Variants in PSD3 observed in about 807,000 individuals in gnomAD.
PSD3 encodes pleckstrin and Sec7 domain containing 3.
A neutral mutation model predicts 105.5 loss-of-function variants in PSD3; 49 were observed. The ratio of observed to expected loss-of-function variants is 0.46; its 90% CI spans 0.37 to 0.59. The LOEUF is 0.59. Ranked by LOEUF, PSD3 falls within the 20% of genes least tolerant of loss-of-function variation. The pLI is 0.00. For missense variants in PSD3, 1,561 were observed against 1,263.8 expected, an observed-to-expected ratio of 1.24 and a Z score of -3.57; for synonymous variants, 557 against 457.8, an observed-to-expected ratio of 1.22 and a Z score of -2.77.
intron 9 of PSD3, among the ~76,000 whole-genome samples, chr8:18,725,021 T>C (rs1049350465): frequency 1.2e-4 from 19 of 152,234 alleles, no homozygotes; most frequent in Non-Finnish European, 1.5e-4. Flanking sequence ...TTCTACCATG[T>C]TGGGAATCAT....
At chr8:18,541,158 A>G (rs1234618421) in intron 15 of PSD3, among the ~76,000 whole-genome samples, 4 of 29,798 alleles carry the variant, frequency 1.3e-4, no homozygotes, top group Admixed American at 7.3e-4. Context: ...ATTTTACTTG[A>G]AAAAAAAAAA....
At chr8:18,998,668 C>T (rs1308581373) in intron 1 of PSD3, among the ~76,000 whole-genome samples, 1 of 151,906 alleles carries the variant, frequency 6.6e-6, no homozygotes, top group East Asian at 1.9e-4. Flanking sequence ...GCCCGAGCAA[C>T]AGAGCGAGAT....
In PSD3 at chr8:18,528,667, A is replaced by G. The variant is rs186457350; in HGVS notation, c.*7076T>C. The G allele has an allele frequency of 1.0e-3, 160 of 152,662 alleles. 1 individual carries two copies. Among genetic ancestry groups the G allele is most frequent in the Non-Finnish European group, 1.5e-4 (10 of 68,050 alleles). The allele number at this position is 152,662 out of a possible 1,614,324, so 9.5% of individuals were successfully genotyped here. A position where few individuals can be genotyped will look rare whatever the true frequency, so the allele number is the denominator to read the frequency against. On this transcript the variant is annotated 3_prime_UTR_variant, in exon 16 of 16. Coordinates refer to ENST00000327040, the MANE Select transcript of PSD3 (RefSeq NM_015310.4). ...CTGGTGTTCAGGACTCAGAGCAGTG[A>G]GCCTCAGACCTGCAGTGTGGTCCTT...
Position 18,848,277 on chromosome 8 carries a change from C to G in PSD3, c.1634+19397G>C, listed in dbSNP as rs144223421. The stretch of plus-strand genomic sequence containing the variant: ...TTTCCTAAAACTGAACGCAACACAA[C>G]ATAAATATGACTTCTACCCCAGCCA... On this transcript the variant is annotated intron_variant, in intron 4 of 15. Transcript: ENST00000327040. 7.0e-3 allele frequency among the ~76,000 whole-genome samples: 1,067 copies of G among 152,312 alleles called. 7 individuals carry two copies. The highest frequency in any genetic ancestry group is 0.02 in the Middle Eastern group (6 of 294).
At chr8:18,567,872 G>A (rs533887909) in intron 14 of PSD3, among the ~76,000 whole-genome samples, 34 of 152,310 alleles carry the variant, frequency 2.2e-4, no homozygotes, top group African/African-American at 8.2e-4. Flanking sequence ...GATCCCCAAT[G>A]TTGGAGGTGG....
chr8:18,974,860 C>T (rs989974262), intron 1 of PSD3, among the ~76,000 whole-genome samples: 5 of 151,852 alleles, frequency 3.3e-5, no homozygotes, highest in African/African-American at 1.2e-4. Context: ...TTGCTTTTCA[C>T]TGGAGGAAAG....
At chr8:18,968,740 G>T (rs1225554808) in intron 1 of PSD3, among the ~76,000 whole-genome samples, 1 of 152,046 alleles carries the variant, frequency 6.6e-6, no homozygotes, top group Non-Finnish European at 1.5e-5. Context: ...GCTGGGTGTG[G>T]TGGCATGTGC....
At chr8:19,070,335 ATGTAT>A (rs1259804944) in intron 1 of PSD3, among the ~76,000 whole-genome samples, 2 of 149,896 alleles carry the variant, frequency 1.3e-5, no homozygotes, top group Admixed American at 1.3e-4. Flanking sequence ...TTTATGACTG[ATGTAT>A]TTACACTATT....
intron 12 of PSD3, among the ~76,000 whole-genome samples, chr8:18,593,766 C>G (rs1325944084): frequency 2.0e-5 from 3 of 151,886 alleles, no homozygotes; most frequent in Non-Finnish European, 4.4e-5. Context: ...AAATGTGGCA[C>G]ATATACACCA....
chr8:18,585,776 T>G (rs11203968), intron 12 of PSD3, among the ~76,000 whole-genome samples: 34,656 of 152,128 alleles, frequency 0.23, 4,717 homozygotes, highest in Non-Finnish European at 0.3. Flanking sequence ...CATTTCTTTA[T>G]ATCAACCATG....
intron 9 of PSD3, among the ~76,000 whole-genome samples, chr8:18,763,412 C>T (rs972840011): frequency 1.3e-5 from 2 of 151,894 alleles, no homozygotes; most frequent in African/African-American, 4.8e-5. Context: ...AAGATGACAC[C>T]AAATTTTGAA....
intron 4 of PSD3, among the ~76,000 whole-genome samples, chr8:18,822,662 T>A (rs139040040): frequency 4.6e-5 from 7 of 152,310 alleles, no homozygotes; most frequent in African/African-American, 1.7e-4. Context: ...AATTCCCAAC[T>A]ATCTGCCTCA....
At chr8:18,977,950 G>A (rs76308498) in intron 1 of PSD3, among the ~76,000 whole-genome samples, 2 of 152,164 alleles carry the variant, frequency 1.3e-5, no homozygotes, top group East Asian at 3.8e-4. Flanking sequence ...ACCAGAGATG[G>A]ACTTTTGAGC....
chr8:18,850,297 A>G (rs1049003453), intron 4 of PSD3, among the ~76,000 whole-genome samples: 2 of 152,162 alleles, frequency 1.3e-5, no homozygotes, highest in African/African-American at 4.8e-5. Context: ...TGGCATCTCT[A>G]TTTCAGCCAC....
At chr8:18,607,263 C>T (rs1353270214) in intron 11 of PSD3, among the ~76,000 whole-genome samples, 1 of 152,162 alleles carries the variant, frequency 6.6e-6, no homozygotes, top group Admixed American at 6.5e-5. Flanking sequence ...CTCAGGTGCT[C>T]CCAGCTCCAC....
chr8:18,623,273 T>C (rs1471726684), intron 11 of PSD3, among the ~76,000 whole-genome samples: 1 of 151,874 alleles, frequency 6.6e-6, no homozygotes, highest in Non-Finnish European at 1.5e-5. Flanking sequence ...TCCTTATATG[T>C]TTCTAAATTT....
At chr8:18,974,675 A>T (rs578242067) in intron 1 of PSD3, among the ~76,000 whole-genome samples, 3 of 151,764 alleles carry the variant, frequency 2.0e-5, no homozygotes, top group African/African-American at 7.2e-5. Context: ...ATCAAGTCAA[A>T]AAAAAAAAAC....
chr8:18,819,639 C>T (rs1347554898), intron 4 of PSD3, among the ~76,000 whole-genome samples: 6 of 131,340 alleles, frequency 4.6e-5, no homozygotes, highest in African/African-American at 1.2e-4. Flanking sequence ...AGTGCAGTGG[C>T]GCAATCTTGG....
intron 9 of PSD3, among the ~76,000 whole-genome samples, chr8:18,734,666 GA>G (rs1235003990): frequency 2.0e-5 from 3 of 152,158 alleles, no homozygotes; most frequent in Non-Finnish European, 4.4e-5. Context: ...TAAAAGCAAT[GA>G]ATGTACAGTG....
Sources: allele counts gnomAD v4.1 joint callset (sites outside exome capture counted in the v4.1 genomes callset), GRCh38; gene constraint gnomAD v4.1.1; transcripts MANE v1.5; gene names NCBI Gene and HGNC (gene_info 2026-07-23, HGNC 2026-07-21).